ZNF385D: variants seen among roughly 807,000 people sequenced by gnomAD.
ZNF385D encodes the protein zinc finger protein 385D.
A neutral mutation model predicts 35.8 loss-of-function variants in ZNF385D; 15 were observed. The observed-to-expected ratio is 0.42, with a 90% CI of 0.28 to 0.64. The LOEUF (loss-of-function observed/expected upper bound fraction) is 0.64. Among genes scored for constraint, ZNF385D ranks in the 30% least tolerant of loss-of-function variants. The pLI is 0.23. For synonymous variants in ZNF385D, 212 were observed against 186.8 expected (o/e 1.13, Z -1.10); for missense variants, 474 against 494.6 (o/e 0.96, Z 0.39).
At chr3:21,687,936 C>A (rs138934837) in intron 1 of ZNF385D, among the ~76,000 whole-genome samples, 9 of 152,136 alleles carry the variant, frequency 5.9e-5, no homozygotes, top group Admixed American at 2.0e-4. Context: ...ATCTGTCACC[C>A]AGGCTTGGAA....
At chr3:21,632,738 C>T (rs2065318028) in intron 2 of ZNF385D, among the ~76,000 whole-genome samples, 1 of 152,084 alleles carries the variant, frequency 6.6e-6, no homozygotes, top group African/African-American at 2.4e-5. Context: ...GGTCATACAT[C>T]ATCTCTGCTG....
rs1452475374 is a variant in ZNF385D at position 22,098,602 on chromosome 3, C to T, written c.325+70215G>A. Among the ~76,000 whole-genome samples the T allele has an allele frequency of 2.6e-5, 4 of 151,924 alleles. No individual in the cohort carries two copies. In the East Asian group the frequency reaches 7.8e-4, roughly 29 times the overall value. On this transcript the variant is annotated intron_variant, in intron 3 of 5. Coordinates refer to the ZNF385D transcript ENST00000494108. The stretch of plus-strand genomic sequence containing the variant: ...AGTTTCTATTTTTATTTGAATAGTC[C>T]ACATTTGAAGTTCCCATCTGGGAAG...
chr3:21,823,732 G>T (rs947019967), intron 3 of ZNF385D, among the ~76,000 whole-genome samples: 3 of 152,146 alleles, frequency 2.0e-5, no homozygotes, highest in Non-Finnish European at 2.9e-5. Flanking sequence ...TGTTTCCAAA[G>T]AATACACAGT....
At chr3:22,098,017 G>A (rs1701721559) in intron 3 of ZNF385D, among the ~76,000 whole-genome samples, 1 of 152,038 alleles carries the variant, frequency 6.6e-6, no homozygotes, top group South Asian at 2.1e-4. Context: ...AAAGTTTGAA[G>A]CTACTAGGAA....
intron 1 of ZNF385D, among the ~76,000 whole-genome samples, chr3:21,666,000 A>C (rs2066394570): frequency 6.6e-6 from 1 of 152,238 alleles, no homozygotes; most frequent in African/African-American, 2.4e-5. Flanking sequence ...AACAAGCATT[A>C]GGAAAGCAAA....
intron 3 of ZNF385D, among the ~76,000 whole-genome samples, chr3:21,775,424 A>G (rs1056997762): frequency 2.6e-5 from 4 of 151,872 alleles, no homozygotes; most frequent in East Asian, 1.9e-4. Context: ...AAATAAAAAA[A>G]GGAAGAAAGT....
intron 3 of ZNF385D, among the ~76,000 whole-genome samples, chr3:22,107,312 C>G (rs372735842): frequency 1.3e-5 from 2 of 151,884 alleles, no homozygotes; most frequent in South Asian, 2.1e-4. Flanking sequence ...CACGAGCCAC[C>G]GCACCAAGCC....
chr3:22,270,824 T>C (rs1326567447), intron 2 of ZNF385D, among the ~76,000 whole-genome samples: 7 of 152,030 alleles, frequency 4.6e-5, no homozygotes, highest in Non-Finnish European at 2.9e-5. Flanking sequence ...TGAACTTACT[T>C]ATGTAATTTT....
Position 22,256,674 on chromosome 3 carries a change from C to T in ZNF385D, c.107-87639G>A, listed in dbSNP as rs563401148. ...AGCAGTTATCATAACAAATGGTAAACTTATTGCCTTTTAAGACAATGTCTA... is the reference window on the plus strand; with the variant it reads ...AGCAGTTATCATAACAAATGGTAAATTTATTGCCTTTTAAGACAATGTCTA... On this transcript the variant is annotated intron_variant, in intron 2 of 5. Coordinates refer to the ZNF385D transcript ENST00000494108. Among the ~76,000 whole-genome samples, 17 of 152,000 alleles carry T rather than the reference C, an allele frequency of 1.1e-4. No individual in the cohort carries two copies. The South Asian group carries it at 2.3e-3, about 20-fold the overall frequency.
chr3:22,037,143 G>C (rs1698377733), intron 3 of ZNF385D, among the ~76,000 whole-genome samples: 1 of 151,940 alleles, frequency 6.6e-6, no homozygotes, highest in African/African-American at 2.4e-5. Flanking sequence ...CCAAGTCTTT[G>C]CTATTGTGAA....
chr3:21,488,436 T>C (rs996574170), intron 4 of ZNF385D, among the ~76,000 whole-genome samples: 1 of 152,030 alleles, frequency 6.6e-6, no homozygotes, highest in Non-Finnish European at 1.5e-5. Context: ...TATGTGACTT[T>C]CATAATGCTA....
intron 3 of ZNF385D, among the ~76,000 whole-genome samples, chr3:22,007,353 T>C (rs1006474867): frequency 4.6e-5 from 7 of 152,256 alleles, no homozygotes; most frequent in African/African-American, 1.7e-4. Context: ...AATAACAGTC[T>C]TGCGTAAGTC....
chr3:21,798,554 A>G (rs557666560), intron 3 of ZNF385D, among the ~76,000 whole-genome samples: 121 of 152,186 alleles, frequency 8.0e-4, no homozygotes, highest in African/African-American at 2.8e-3. Flanking sequence ...GGCTCATCTA[A>G]TTAGGTCAGT....
intron 3 of ZNF385D, among the ~76,000 whole-genome samples, chr3:22,010,278 C>T (rs533597837): frequency 6.6e-6 from 1 of 152,258 alleles, no homozygotes; most frequent in East Asian, 1.9e-4. Context: ...GCTATAAACA[C>T]CGATGTCACA....
At chr3:21,795,439 T>G (rs1326654711) in intron 3 of ZNF385D, among the ~76,000 whole-genome samples, 1 of 152,196 alleles carries the variant, frequency 6.6e-6, no homozygotes, top group Non-Finnish European at 1.5e-5. Context: ...TCCACTTTGG[T>G]GGAATGGTAG....
chr3:21,956,940 G>A (rs1428379261), intron 3 of ZNF385D, among the ~76,000 whole-genome samples: 3 of 151,930 alleles, frequency 2.0e-5, no homozygotes, highest in Admixed American at 6.6e-5. Flanking sequence ...CCACCAAAAT[G>A]TCAACTTCAG....
At chr3:21,556,507 G>A (rs142813540) in intron 3 of ZNF385D, among the ~76,000 whole-genome samples, 143 of 149,774 alleles carry the variant, frequency 9.5e-4, no homozygotes, top group Non-Finnish European at 1.6e-3. Context: ...TATTTTTGAC[G>A]GGTTTGTCAA....
intron 3 of ZNF385D, among the ~76,000 whole-genome samples, chr3:22,001,301 T>C (rs1164514596): frequency 4.2e-5 from 6 of 142,076 alleles, no homozygotes; most frequent in Admixed American, 6.9e-5. Context: ...GAAAAAGATA[T>C]TCCATGCAAA....
chr3:22,048,638 A>G (rs1699156948), intron 3 of ZNF385D, among the ~76,000 whole-genome samples: 1 of 152,022 alleles, frequency 6.6e-6, no homozygotes, highest in Admixed American at 6.6e-5. Flanking sequence ...TGTTGTTTTG[A>G]TTATTATAGT....
Sources: allele counts gnomAD v4.1 joint callset (sites outside exome capture counted in the v4.1 genomes callset), GRCh38; gene constraint gnomAD v4.1.1; transcripts MANE v1.5; gene names NCBI Gene and HGNC (gene_info 2026-07-23, HGNC 2026-07-21).